Variants in PHKG2 observed in about 807,000 individuals in gnomAD.
PHKG2 encodes the protein phosphorylase b kinase gamma catalytic chain, liver/testis isoform.
Under a neutral mutation model 44.5 loss-of-function variants are expected in PHKG2, and 28 were observed. The observed-to-expected ratio is 0.63, with a 90% CI of 0.47 to 0.86. The LOEUF is 0.86. Ranked by LOEUF, PHKG2 falls within the 40% of genes least tolerant of loss-of-function variation. The probability of loss-of-function intolerance (pLI) is 0.00; values close to 1 mark genes in which losing one functional copy is unlikely to be tolerated. For missense variants in PHKG2, 498 were observed against 547.5 expected (o/e 0.91, Z 0.90); for synonymous variants, 220 against 211.2 (o/e 1.04, Z -0.36).
chr16:30,759,532 C>CAGGAGCA lies in PHKG2; in HGVS notation c.*2441_*2447dup. 6.2e-7 allele frequency: 1 copy of CAGGAGCA among 1,614,152 alleles called. No homozygotes were observed. Among genetic ancestry groups the CAGGAGCA allele is most frequent in the Non-Finnish European group, 8.5e-7 (1 of 1,180,030 alleles). ...GGCTTTGCCTCCAAAAGCCCAGCAA[C>CAGGAGCA]AGGAGCAAGGAGAGCCCACTGGGGT... On this transcript the variant is annotated 3_prime_UTR_variant, in exon 10 of 10. Transcript: ENST00000563588.
intron 6 of PHKG2, among the ~76,000 whole-genome samples, chr16:30,755,825 A>G (rs1029953825): frequency 5.3e-5 from 8 of 152,208 alleles, no homozygotes; most frequent in Admixed American, 3.9e-4. Flanking sequence ...GTAAAAATAC[A>G]TAATCTTTCC....
At chr16:30,752,684 G>A (rs74973579) in intron 4 of PHKG2, 1,826 of 161,380 alleles carry the variant, frequency 0.011, 54 homozygotes, top group Admixed American at 0.063. Flanking sequence ...AGTCAGAGGG[G>A]ACGTAAGGAT....
In PHKG2 at chr16:30,751,540, T is replaced by C. The variant is rs1254492110; in HGVS notation, c.272-9T>C. 5.6e-6 allele frequency: 9 copies of C among 1,612,366 alleles called. No individual in the cohort carries two copies. The highest frequency in any genetic ancestry group is 7.6e-6 in the Non-Finnish European group (9 of 1,178,468). ...CTCTGTCTCTCTGCCTCTCTTCCTCTCTCCCTAGTCACCCTCATCGATTCC... is the reference window on the plus strand; with the variant it reads ...CTCTGTCTCTCTGCCTCTCTTCCTCCCTCCCTAGTCACCCTCATCGATTCC... On this transcript the variant is annotated splice_polypyrimidine_tract_variant and intron_variant, in intron 3 of 9. Transcript: ENST00000563588.
In PHKG2 at chr16:30,757,009, C is replaced by T. The variant is rs794726977; in HGVS notation, c.1133C>T (p.Pro378Leu). ...CGGGCGGCTCTCTTTCAGCACCGGC[C>T]CCCTGGGCCTTTTCCCATCATGGGC... ...QNRAALFQHR[P>L]PGPFPIMGPE... Residue 378 changes from proline (P) to leucine (L), a missense_variant, in exon 10 of 10, where the codon CCC (proline) becomes CTC (leucine). Physicochemically the swap from Pro to Leu is moderately conservative, Grantham distance 98 (BLOSUM62 -3). Transcript: ENST00000563588. 6.2e-7 allele frequency: 1 copy of T among 1,612,204 alleles called. No individual in the cohort carries two copies. Among genetic ancestry groups the T allele is most frequent in the Non-Finnish European group, 8.5e-7 (1 of 1,180,010 alleles).
Position 30,760,929 on chromosome 16 carries a change from C to T in PHKG2, c.*3832C>T. 1.6e-6 allele frequency: 1 copy of T among 610,530 alleles called. No individual in the cohort carries two copies. The highest frequency in any genetic ancestry group is 2.9e-6 in the Non-Finnish European group (1 of 345,832). 37.8% of individuals were successfully genotyped at this position (610,530 alleles called of 1,614,324 possible). A position where few individuals can be genotyped will look rare whatever the true frequency, so the allele number is the denominator to read the frequency against. On this transcript the variant is annotated 3_prime_UTR_variant, in exon 10 of 10. Coordinates refer to ENST00000563588, the MANE Select transcript of PHKG2 (RefSeq NM_000294.3). ...CCTTGTATGACCTTGGTCAAGTACTCCCTGTGGCCCTCAGTGTCCCCCTCT... is the reference window on the plus strand; with the variant it reads ...CCTTGTATGACCTTGGTCAAGTACTTCCTGTGGCCCTCAGTGTCCCCCTCT...
rs773862121 is a variant in PHKG2, at chr16:30,759,265, G to T, written c.*2168G>T. 6.2e-7 allele frequency: 1 copy of T among 1,614,110 alleles called. No individual in the cohort carries two copies. Among genetic ancestry groups the T allele is most frequent in the Non-Finnish European group, 8.5e-7 (1 of 1,179,978 alleles). On this transcript the variant is annotated 3_prime_UTR_variant, in exon 10 of 10. Coordinates refer to ENST00000563588, the MANE Select transcript of PHKG2 (RefSeq NM_000294.3). ...AGCCGCACCTGGGAAGCAAGGCAGA[G>T]GGAGGCTGAAAGGAGTGCACCTGTG...
Position 30,758,915 on chromosome 16 carries a change from A to C in PHKG2, c.*1818A>C. 2 of 1,535,972 alleles carry C rather than the reference A, an allele frequency of 1.3e-6. No homozygotes were observed. The highest frequency in any genetic ancestry group is 1.7e-6 in the Non-Finnish European group (2 of 1,146,736). ...GGGATCATTTAGAGAAAGGACTCTGACTAAAAACAAAAAGTCTGAAGTCCT... is the reference window on the plus strand; with the variant it reads ...GGGATCATTTAGAGAAAGGACTCTGCCTAAAAACAAAAAGTCTGAAGTCCT... On this transcript the variant is annotated 3_prime_UTR_variant, in exon 10 of 10. Coordinates refer to ENST00000563588, the MANE Select transcript of PHKG2 (RefSeq NM_000294.3).
chr16:30,761,160 G>T lies in PHKG2; in HGVS notation c.*4063G>T. ...GACTGTTGGGGAGACAATAAAGAAC[G>T]CAAATATTCAGTGTAATTTTTGTCT... On this transcript the variant is annotated 3_prime_UTR_variant, in exon 10 of 10. Coordinates refer to ENST00000563588, the MANE Select transcript of PHKG2 (RefSeq NM_000294.3). 6.2e-7 allele frequency: 1 copy of T among 1,607,498 alleles called. No individual in the cohort carries two copies. Among genetic ancestry groups the T allele is most frequent in the Non-Finnish European group, 8.5e-7 (1 of 1,174,872 alleles).
intron 1 of PHKG2, 84 bp from the exon 2 acceptor site, chr16:30,748,719 G>A (rs1419351291): frequency 5.4e-6 from 2 of 371,668 alleles, no homozygotes; most frequent in Middle Eastern, 9.7e-4. Context: ...CCAGCTGCAA[G>A]GGCTGCGCCC....
In PHKG2 at chr16:30,760,688, A is replaced by C; in HGVS notation, c.*3591A>C. The C allele has an allele frequency of 6.4e-7, 1 of 1,550,438 alleles. No individual in the cohort carries two copies. The highest frequency in any genetic ancestry group is 8.7e-7 in the Non-Finnish European group (1 of 1,145,900). Reference sequence around the variant, plus strand: ...TACTTCCTGTTATAGTAAAAGAAAAAGAGTATTGGTGGCCGTTACCTATCA... The same window carrying C: ...TACTTCCTGTTATAGTAAAAGAAAACGAGTATTGGTGGCCGTTACCTATCA... On this transcript the variant is annotated 3_prime_UTR_variant, in exon 10 of 10. Coordinates refer to ENST00000563588, the MANE Select transcript of PHKG2 (RefSeq NM_000294.3).
At position 30,758,986 on chromosome 16, in the gene PHKG2, G is replaced by A. The variant is rs1237303061; in HGVS notation, c.*1889G>A. On this transcript the variant is annotated 3_prime_UTR_variant, in exon 10 of 10. Transcript: ENST00000563588. Reference sequence around the variant, plus strand: ...TTCTACACCTGCTCAGAGGGACAGGGCAGCCTGCCCTCTCCAGATCCTCAC... The same window carrying A: ...TTCTACACCTGCTCAGAGGGACAGGACAGCCTGCCCTCTCCAGATCCTCAC... The A allele has an allele frequency of 1.2e-6, 2 of 1,613,742 alleles. No individual in the cohort carries two copies. The highest frequency in any genetic ancestry group is 1.7e-6 in the Non-Finnish European group (2 of 1,179,844).
At position 30,760,034 on chromosome 16, in the gene PHKG2, G is replaced by A. The variant is rs917488104; in HGVS notation, c.*2937G>A. 3 of 1,502,472 alleles carry A rather than the reference G, an allele frequency of 2.0e-6. No homozygotes were observed. Among genetic ancestry groups the A allele is most frequent in the East Asian group, 2.5e-5 (1 of 40,612 alleles). The allele number at this position is 1,502,472 out of a possible 1,614,324, so 93.1% of individuals were successfully genotyped here. A position where few individuals can be genotyped will look rare whatever the true frequency, so the allele number is the denominator to read the frequency against. Reference sequence around the variant, plus strand: ...AGAGCTATTAAACATTCTAAAGCAGGTGTTATTGTGCACTATGCATATATT... The same window carrying A: ...AGAGCTATTAAACATTCTAAAGCAGATGTTATTGTGCACTATGCATATATT... On this transcript the variant is annotated 3_prime_UTR_variant, in exon 10 of 10. Transcript: ENST00000563588.
intron 6 of PHKG2, among the ~76,000 whole-genome samples, chr16:30,754,703 TC>T: frequency 6.6e-6 from 1 of 152,308 alleles, no homozygotes; most frequent in African/African-American, 2.4e-5. Context: ...CATGTACTTT[TC>T]CCGTTTGTGG....
In PHKG2 at chr16:30,756,950, C is replaced by T. The variant is rs375398772; in HGVS notation, c.1074C>T (p.Tyr358=). ...TCGACAACTGTGCCTTCCGGCTCTA[C>T]GGGCACTGGGTAAAGAAAGGGGAGC... is the stretch of plus-strand genomic sequence containing the variant. The part of the protein sequence containing the change: ...HLIDNCAFRL[Y]GHWVKKGEQQ... Residue 358 remains tyrosine (Y), a synonymous_variant, in exon 10 of 10, where the codon TAC becomes TAT. Coordinates refer to ENST00000563588, the MANE Select transcript of PHKG2 (RefSeq NM_000294.3). The T allele has an allele frequency of 4.4e-5, 71 of 1,613,432 alleles. No homozygotes were observed. The highest frequency in any genetic ancestry group is 6.7e-5 in the East Asian group (3 of 44,890).
In PHKG2 at chr16:30,760,393, G is replaced by A. The variant is rs2151317748; in HGVS notation, c.*3296G>A. 1 of 1,614,200 alleles carries A rather than the reference G, an allele frequency of 6.2e-7. No homozygotes were observed. The highest frequency in any genetic ancestry group is 1.1e-5 in the South Asian group (1 of 91,086). The stretch of plus-strand genomic sequence containing the variant: ...TGAGCGCGTGGCAGAAGAGGTCCAG[G>A]GTGATGGCGTCCCTCAGGCTCTGCT... On this transcript the variant is annotated 3_prime_UTR_variant, in exon 10 of 10. Transcript: ENST00000563588.
chr16:30,752,840 C>T (rs1459389988), intron 4 of PHKG2: 4 of 323,252 alleles, frequency 1.2e-5, no homozygotes, highest in Non-Finnish European at 2.4e-5. Flanking sequence ...ATTATAACCT[C>T]AGCTTTTAAA....
rs956438580 is a variant in PHKG2, at chr16:30,756,162, T to C, written c.557-20T>C. The C allele has an allele frequency of 4.4e-6, 7 of 1,597,666 alleles. No individual in the cohort carries two copies. The African/African-American group carries it at 9.4e-5, about 21-fold the overall frequency. Reference sequence around the variant, plus strand: ...AGAGGGGCTGGTGGCATCCCCTCAATCTTGGTCCTCTCTCCCCAGAGTTGT... The same window carrying C: ...AGAGGGGCTGGTGGCATCCCCTCAACCTTGGTCCTCTCTCCCCAGAGTTGT... On this transcript the variant is annotated intron_variant, in intron 6 of 9. Coordinates refer to ENST00000563588, the MANE Select transcript of PHKG2 (RefSeq NM_000294.3).
Position 30,760,342 on chromosome 16 carries a change from T to C in PHKG2, c.*3245T>C. 6.2e-7 allele frequency: 1 copy of C among 1,614,118 alleles called. No homozygotes were observed. Among genetic ancestry groups the C allele is most frequent in the Non-Finnish European group, 8.5e-7 (1 of 1,180,028 alleles). On this transcript the variant is annotated 3_prime_UTR_variant, in exon 10 of 10. Transcript: ENST00000563588. ...CACAAGCCGCTGACGTCTGCTCCAG[T>C]GAGAAGCCCTGCTGGCGGCAGAAAA...
rs147950160 is a variant in PHKG2 at position 30,751,192 on chromosome 16, G to A, written c.182G>A (p.Arg61Gln). ...AAGATTATGGAAGTGACAGCTGAGC[G>A]GCTGAGTCCTGAGCAGCTGGAGGAG... ...AVKIMEVTAE[R>Q]LSPEQLEEVR... The change falls in exon 3 of 10, where the codon CGG becomes CAG. Residue 61 changes from arginine to glutamine, a missense_variant. Transcript: ENST00000563588. The A allele has an allele frequency of 1.2e-6, 2 of 1,613,814 alleles. No individual in the cohort carries two copies. The highest frequency in any genetic ancestry group is 8.5e-7 in the Non-Finnish European group (1 of 1,179,992).
Sources: allele counts gnomAD v4.1 joint callset (sites outside exome capture counted in the v4.1 genomes callset), GRCh38; gene constraint gnomAD v4.1.1; transcripts MANE v1.5; gene names NCBI Gene and HGNC (gene_info 2026-07-23, HGNC 2026-07-21).